CFH: variants seen among roughly 807,000 people sequenced by gnomAD.
The protein encoded by CFH is complement factor H.
Under a neutral mutation model 147.3 loss-of-function variants are expected in CFH, and 53 were observed. The observed-to-expected ratio is 0.36, with a 90% CI of 0.29 to 0.45. The LOEUF is 0.45. Ranked by LOEUF, CFH falls within the 20% of genes least tolerant of loss-of-function variation. The pLI, the probability that CFH is intolerant of heterozygous loss-of-function variation, is 1.00. For missense variants in CFH, 1,380 were observed against 1,498.0 expected, an observed-to-expected ratio of 0.92 and a Z score of 1.30; for synonymous variants, 536 against 489.4, an observed-to-expected ratio of 1.10 and a Z score of -1.26.
chr1:196,679,687 G>A lies in CFH; in HGVS notation c.684G>A (p.Lys228=). 6.2e-7 allele frequency: 1 copy of A among 1,608,704 alleles called. No homozygotes were observed. Among genetic ancestry groups the A allele is most frequent in the Non-Finnish European group, 8.5e-7 (1 of 1,175,954 alleles). The change falls in exon 6 of 22, where the codon AAG becomes AAA. Residue 228 remains lysine (K), a synonymous_variant. Coordinates refer to ENST00000367429, the MANE Select transcript of CFH (RefSeq NM_000186.4). ...CTATATCTCAGAAGATTATTTATAA[G>A]GAGAATGAACGATTTCAATATAAAT... The part of the protein sequence containing the change: ...GSPISQKIIY[K]ENERFQYKCN...
chr1:196,683,705 T>C (rs567628452), intron 6 of CFH, among the ~76,000 whole-genome samples: 10 of 151,876 alleles, frequency 6.6e-5, no homozygotes, highest in African/African-American at 2.4e-4. Context: ...ACTTTACCAC[T>C]GAAGACTAAA....
intron 1 of CFH, among the ~76,000 whole-genome samples, chr1:196,670,322 A>G (rs1028867956): frequency 1.5e-4 from 23 of 152,084 alleles, no homozygotes; most frequent in Non-Finnish European, 4.4e-5. Flanking sequence ...AAATGTGAGG[A>G]CATGAGATTT....
intron 1 of CFH, among the ~76,000 whole-genome samples, chr1:196,670,943 A>G (rs1251999513): frequency 1.3e-5 from 2 of 151,642 alleles, no homozygotes; most frequent in African/African-American, 2.4e-5. Context: ...TTATAACTTG[A>G]CTCTACACCA....
chr1:196,703,574 A>G (rs1177746172), intron 9 of CFH, among the ~76,000 whole-genome samples: 1 of 152,176 alleles, frequency 6.6e-6, no homozygotes, highest in Non-Finnish European at 1.5e-5. Flanking sequence ...TTGGTGTTAA[A>G]TATCTGGTGG....
intron 1 of CFH, among the ~76,000 whole-genome samples, chr1:196,671,990 TG>T (rs1667298168): frequency 1.3e-5 from 2 of 151,850 alleles, no homozygotes; most frequent in Admixed American, 1.3e-4. Flanking sequence ...AAATATGGCA[TG>T]TTTTGATGAG....
intron 9 of CFH, among the ~76,000 whole-genome samples, chr1:196,704,628 G>A (rs1028110806): frequency 6.6e-6 from 1 of 152,182 alleles, no homozygotes; most frequent in Non-Finnish European, 1.5e-5. Context: ...TCCAGTACAA[G>A]TCAAGTTTTG....
chr1:196,698,859 T>G (rs745889601), intron 9 of CFH, among the ~76,000 whole-genome samples: 20 of 152,100 alleles, frequency 1.3e-4, no homozygotes, highest in Non-Finnish European at 2.5e-4. Flanking sequence ...CAGCAGCATA[T>G]CTAAAAGCTT....
intron 1 of CFH, among the ~76,000 whole-genome samples, chr1:196,653,709 T>A (rs1666581893): frequency 6.6e-6 from 1 of 152,108 alleles, no homozygotes; most frequent in Non-Finnish European, 1.5e-5. Flanking sequence ...ACATCTTATT[T>A]ACATAATTGA....
chr1:196,698,265 TC>T (rs1337376359), intron 9 of CFH, among the ~76,000 whole-genome samples: 4 of 151,976 alleles, frequency 2.6e-5, no homozygotes, highest in African/African-American at 9.7e-5. Context: ...TGAAAACCCT[TC>T]AAAAAATCAA....
At chr1:196,664,273 G>A (rs1055525326) in intron 1 of CFH, among the ~76,000 whole-genome samples, 1 of 152,016 alleles carries the variant, frequency 6.6e-6, no homozygotes, top group South Asian at 2.1e-4. Context: ...ATTGCCCAGG[G>A]TGGTCTCAGA....
At chr1:196,691,054 A>G (rs1668005720) in intron 9 of CFH, among the ~76,000 whole-genome samples, 1 of 152,130 alleles carries the variant, frequency 6.6e-6, no homozygotes, top group Admixed American at 6.6e-5. Flanking sequence ...TTAGAAAAGA[A>G]AATGATTTGG....
At chr1:196,697,588 G>T (rs539006562) in intron 9 of CFH, among the ~76,000 whole-genome samples, 1 of 152,164 alleles carries the variant, frequency 6.6e-6, no homozygotes, top group Non-Finnish European at 1.5e-5. Context: ...CATTGTGGAA[G>T]TCATTGTCTA....
intron 7 of CFH, 142 bp downstream of exon 7, chr1:196,685,379 A>C: frequency 1.2e-6 from 1 of 869,406 alleles, no homozygotes; most frequent in Admixed American, 2.2e-5. Flanking sequence ...TTAGTTTTCG[A>C]AGTTGCCGAA....
At chr1:196,657,450 T>C (rs1376314999) in intron 1 of CFH, among the ~76,000 whole-genome samples, 1 of 152,162 alleles carries the variant, frequency 6.6e-6, no homozygotes, top group East Asian at 1.9e-4. Context: ...AATACAGTAT[T>C]GGTGGGTTGC....
At chr1:196,724,201 C>T (rs956532079) in intron 11 of CFH, among the ~76,000 whole-genome samples, 2 of 151,852 alleles carry the variant, frequency 1.3e-5, no homozygotes, top group Admixed American at 1.3e-4. Context: ...GCTGTAACTC[C>T]TTTGGGTCCA....
chr1:196,684,690 A>T (rs1310604143), intron 6 of CFH, among the ~76,000 whole-genome samples: 1 of 152,050 alleles, frequency 6.6e-6, no homozygotes, highest in African/African-American at 2.4e-5. Context: ...AATTGTCCAG[A>T]AGAAAGAAAC....
In CFH at chr1:196,736,940, C is replaced by T; in HGVS notation, c.2530C>T (p.Leu844=). 1 of 1,611,768 alleles carries T rather than the reference C, an allele frequency of 6.2e-7. No homozygotes were observed. The highest frequency in any genetic ancestry group is 1.3e-5 in the African/African-American group (1 of 74,930). ...ATCTGTTCTTTGCCAAGAAAATTAT[C>T]TAATTCAGGAAGGAGAAGAAATTAC... The part of the protein sequence containing the change: ...KVSVLCQENY[L]IQEGEEITCK... Residue 844 remains leucine, a synonymous_variant, in exon 16 of 22, where the codon CTA becomes TTA. Coordinates refer to ENST00000367429, the MANE Select transcript of CFH (RefSeq NM_000186.4).
intron 1 of CFH, among the ~76,000 whole-genome samples, chr1:196,669,191 G>T (rs1667194063): frequency 6.6e-6 from 1 of 152,064 alleles, no homozygotes; most frequent in Admixed American, 6.5e-5. Flanking sequence ...TGAGAAAGTT[G>T]GTCTGAAATT....
intron 9 of CFH, among the ~76,000 whole-genome samples, chr1:196,692,091 T>G (rs146077466): frequency 1.5e-3 from 228 of 152,148 alleles, no homozygotes; most frequent in African/African-American, 5.3e-3. Context: ...TAGTAAACAA[T>G]TTTTTAACCA....
Sources: gnomAD v4.1 joint callset for allele counts (sites outside exome capture counted in the v4.1 genomes callset) on GRCh38, gnomAD v4.1.1 for gene constraint, MANE v1.5 for transcripts, NCBI Gene and HGNC (gene_info 2026-07-23, HGNC 2026-07-21) for gene names.